The following STAU2 variants were observed in gnomAD, a reference collection of about 807,000 sequenced individuals.
STAU2 encodes staufen double-stranded RNA binding protein 2, also known as double-stranded RNA-binding protein Staufen homolog 2.
In STAU2, 20 loss-of-function variants were observed where a neutral mutation model predicts 65.9. The observed-to-expected ratio is 0.30, with a 90% CI of 0.21 to 0.44. The LOEUF (loss-of-function observed/expected upper bound fraction) is 0.44. STAU2 is among the 20% of genes least tolerant of loss of function. The pLI, the probability that STAU2 is intolerant of heterozygous loss-of-function variation, is 1.00. For synonymous variants in STAU2, 232 were observed against 233.9 expected, an observed-to-expected ratio of 0.99 and a Z score of 0.07; for missense variants, 558 against 683.9, an observed-to-expected ratio of 0.82 and a Z score of 2.05.
intron 4 of STAU2, among the ~76,000 whole-genome samples, chr8:73,703,687 A>C (rs1467209330): frequency 1.3e-5 from 2 of 152,220 alleles, no homozygotes; most frequent in African/African-American, 4.8e-5. Context: ...AACTATGCTA[A>C]GTGAAAATAG....
At chr8:73,501,095 C>A (rs1821727062) in intron 13 of STAU2, among the ~76,000 whole-genome samples, 1 of 151,800 alleles carries the variant, frequency 6.6e-6, no homozygotes, top group South Asian at 2.1e-4. Context: ...AGTACCAATT[C>A]AAATAAGAGA....
Position 73,721,287 on chromosome 8 carries a change from C to CAAAAAAAAAAAAAA in STAU2, c.-17-12139_-17-12126dup, listed in dbSNP as rs35721754. 7.2e-4 allele frequency among the ~76,000 whole-genome samples: 9 copies of CAAAAAAAAAAAAAA among 12,464 alleles called. 1 individual carries two copies. Among genetic ancestry groups the CAAAAAAAAAAAAAA allele is most frequent in the Non-Finnish European group, 7.1e-4 (5 of 7,074 alleles). The allele number at this position is 12,464 out of a possible 152,430, so 8.2% of individuals were successfully genotyped here. A position where few individuals can be genotyped will look rare whatever the true frequency, so the allele number is the denominator to read the frequency against. ...CGTGAACAAAGCAAAACCCCACCTCCAAAAAAAAAAAAAAAAAAAAAAAAA... is the reference window on the plus strand; with the variant it reads ...CGTGAACAAAGCAAAACCCCACCTCCAAAAAAAAAAAAAAAAAAAAAAAAAAAAAAAAAAAAAAA... On this transcript the variant is annotated intron_variant, in intron 3 of 14. Coordinates refer to ENST00000524300, the MANE Select transcript of STAU2 (RefSeq NM_001164380.2).
chr8:73,651,744 C>T (rs1586195766), intron 6 of STAU2: 11 of 425,982 alleles, frequency 2.6e-5, no homozygotes, highest in South Asian at 4.3e-5. Context: ...GCCCTGTCCA[C>T]GGGGCCCTGG....
intron 4 of STAU2, among the ~76,000 whole-genome samples, chr8:73,692,238 G>T (rs1034769623): frequency 1.3e-5 from 2 of 149,290 alleles, no homozygotes; most frequent in Non-Finnish European, 3.0e-5. Context: ...TTGCTCTGTC[G>T]CCAAGGTTGG....
intron 8 of STAU2, among the ~76,000 whole-genome samples, chr8:73,615,408 T>C (rs574514635): frequency 1.3e-5 from 2 of 152,184 alleles, no homozygotes; most frequent in South Asian, 4.1e-4. Flanking sequence ...ACAAATTATC[T>C]ATACCCAGAA....
At chr8:73,488,824 T>C (rs1431493469) in intron 13 of STAU2, among the ~76,000 whole-genome samples, 3 of 151,924 alleles carry the variant, frequency 2.0e-5, no homozygotes, top group Non-Finnish European at 4.4e-5. Flanking sequence ...AATAAAACAA[T>C]TAAGCTTCCT....
chr8:73,591,892 A>G (rs1357858607), intron 11 of STAU2, among the ~76,000 whole-genome samples: 1 of 125,674 alleles, frequency 8.0e-6, no homozygotes, highest in East Asian at 2.0e-4. Flanking sequence ...TAAAAAAAAA[A>G]AAAAAAAAAA....
At chr8:73,724,754 T>C (rs1254329199) in intron 3 of STAU2, among the ~76,000 whole-genome samples, 1 of 151,324 alleles carries the variant, frequency 6.6e-6, no homozygotes, top group Non-Finnish European at 1.5e-5. Flanking sequence ...CAATGAAGAC[T>C]ATAACTCACT....
At chr8:73,523,340 C>T (rs935746383) in intron 13 of STAU2, among the ~76,000 whole-genome samples, 28 of 151,790 alleles carry the variant, frequency 1.8e-4, no homozygotes, top group African/African-American at 6.1e-4. Context: ...ACAGGAGAGG[C>T]AAGAGGATGG....
intron 13 of STAU2, among the ~76,000 whole-genome samples, chr8:73,468,350 C>A (rs1265640726): frequency 1.3e-5 from 2 of 152,154 alleles, no homozygotes; most frequent in Non-Finnish European, 2.9e-5. Context: ...ACCATAAAAA[C>A]CCTAGAAGAA....
intron 4 of STAU2, among the ~76,000 whole-genome samples, chr8:73,695,817 T>G (rs574073268): frequency 2.0e-5 from 3 of 152,024 alleles, no homozygotes; most frequent in African/African-American, 7.2e-5. Flanking sequence ...GGGAGGGATT[T>G]TGTATTATGG....
intron 13 of STAU2, among the ~76,000 whole-genome samples, chr8:73,510,820 C>T (rs575175215): frequency 3.9e-5 from 6 of 152,298 alleles, no homozygotes; most frequent in South Asian, 4.1e-4. Flanking sequence ...GTCCCTCCCA[C>T]GACATGTGGG....
chr8:73,696,714 C>T (rs968507140), intron 4 of STAU2, among the ~76,000 whole-genome samples: 1 of 152,044 alleles, frequency 6.6e-6, no homozygotes, highest in Admixed American at 6.6e-5. Context: ...AATTAAAAAG[C>T]AATGAGGCAC....
At chr8:73,504,566 G>T (rs917277778) in intron 13 of STAU2, among the ~76,000 whole-genome samples, 1 of 152,064 alleles carries the variant, frequency 6.6e-6, no homozygotes, top group Non-Finnish European at 1.5e-5. Context: ...AGGAAGCAGA[G>T]ACAACACAGG....
At chr8:73,653,670 A>G (rs1045657131) in intron 6 of STAU2, 1 of 180,114 alleles carries the variant, frequency 5.6e-6, no homozygotes, top group African/African-American at 2.4e-5. Flanking sequence ...TGCAACCAGA[A>G]ATTCTGATTT....
At position 73,659,822 on chromosome 8, in the gene STAU2, T is replaced by C. The variant is rs1563488896; in HGVS notation, c.410+13285A>G. On this transcript the variant is annotated intron_variant, in intron 6 of 14. Transcript: ENST00000524300. ...TTAAATAACTTTAGGACTAGAAAGA[T>C]AGACCCCTTGTTGTAAAAACATTAC... is the stretch of plus-strand genomic sequence containing the variant. 2.6e-5 allele frequency among the ~76,000 whole-genome samples: 4 copies of C among 152,294 alleles called. No individual in the cohort carries two copies. The South Asian group carries it at 8.3e-4, about 32-fold the overall frequency.
chr8:73,442,936 G>A (rs1289379986), intron 13 of STAU2, among the ~76,000 whole-genome samples: 5 of 152,086 alleles, frequency 3.3e-5, no homozygotes, highest in Admixed American at 6.6e-5. Flanking sequence ...ATGGTTCATC[G>A]ATTAAGGAAG....
intron 11 of STAU2, among the ~76,000 whole-genome samples, chr8:73,591,167 G>A (rs2128967776): frequency 6.6e-6 from 1 of 152,168 alleles, no homozygotes. Context: ...AAAGATAACT[G>A]ACTATATAAA....
At chr8:73,426,484 C>A (rs1816833848) in intron 13 of STAU2, among the ~76,000 whole-genome samples, 1 of 152,082 alleles carries the variant, frequency 6.6e-6, no homozygotes, top group African/African-American at 2.4e-5. Context: ...CCTTCCCAAC[C>A]TCTAATATCC....
Sources: gnomAD v4.1 joint callset for allele counts (sites outside exome capture counted in the v4.1 genomes callset) on GRCh38, gnomAD v4.1.1 for gene constraint, MANE v1.5 for transcripts, NCBI Gene and HGNC (gene_info 2026-07-23, HGNC 2026-07-21) for gene names.